Variants in INTS4 observed in about 807,000 individuals in gnomAD.
The protein encoded by INTS4 is MSTP093.
In INTS4, 70 loss-of-function variants were observed where a neutral mutation model predicts 119.5. The ratio of observed to expected loss-of-function variants is 0.59; its 90% CI spans 0.48 to 0.71. The LOEUF is 0.71. Among genes scored for constraint, INTS4 ranks in the 30% least tolerant of loss-of-function variants. The probability of loss-of-function intolerance (pLI) is 0.00; values close to 1 mark genes in which losing one functional copy is unlikely to be tolerated. For missense variants in INTS4, 867 were observed against 1,173.2 expected (o/e 0.74, Z 3.81); for synonymous variants, 316 against 419.6 (o/e 0.75, Z 3.02).
intron 21 of INTS4, among the ~76,000 whole-genome samples, chr11:77,890,758 G>T (rs1952227890): frequency 1.3e-5 from 2 of 152,230 alleles, no homozygotes; most frequent in Admixed American, 6.5e-5. Context: ...AAGGATGAAT[G>T]AGTGGACAGA....
intron 18 of INTS4, among the ~76,000 whole-genome samples, chr11:77,894,966 T>A (rs1260600152): frequency 6.6e-6 from 1 of 152,242 alleles, no homozygotes; most frequent in African/African-American, 2.4e-5. Context: ...TAGTTGATAC[T>A]GTAAGGGCTC....
intron 4 of INTS4, among the ~76,000 whole-genome samples, chr11:77,977,675 A>G (rs1183118375): frequency 6.6e-6 from 1 of 150,702 alleles, no homozygotes; most frequent in East Asian, 1.9e-4. Flanking sequence ...TATTATAATA[A>G]AAAATATATT....
chr11:77,915,141 C>T (rs1468013707), intron 15 of INTS4: 7 of 162,480 alleles, frequency 4.3e-5, no homozygotes, highest in East Asian at 3.4e-4. Context: ...CCATTCATTA[C>T]GGTAACAAGC....
chr11:77,976,121 A>ATT (rs35148841), intron 4 of INTS4, among the ~76,000 whole-genome samples: 1 of 151,954 alleles, frequency 6.6e-6, no homozygotes, highest in Non-Finnish European at 1.5e-5. Context: ...CAAAAAAGAG[A>ATT]TTTTTTAAAA....
At chr11:77,990,616 G>A (rs1215078805) in intron 2 of INTS4, among the ~76,000 whole-genome samples, 2 of 147,388 alleles carry the variant, frequency 1.4e-5, no homozygotes, top group African/African-American at 5.0e-5. Context: ...AACCCAGGAG[G>A]CAGAGGTTGC....
At chr11:77,953,832 CT>C (rs1460288636) in intron 8 of INTS4, among the ~76,000 whole-genome samples, 1 of 151,758 alleles carries the variant, frequency 6.6e-6, no homozygotes, top group East Asian at 1.9e-4. Flanking sequence ...GATTTGCCCG[CT>C]TCGGCCTCCC....
At chr11:77,931,389 A>G (rs1234101230) in intron 10 of INTS4, among the ~76,000 whole-genome samples, 1 of 152,170 alleles carries the variant, frequency 6.6e-6, no homozygotes, top group Non-Finnish European at 1.5e-5. Flanking sequence ...GAACTGTATA[A>G]ATGTGATAAA....
In INTS4 at chr11:77,903,434, T is replaced by C. The variant is rs1325583177; in HGVS notation, c.2097+106A>G. 3.1e-5 allele frequency: 50 copies of C among 1,605,710 alleles called. No homozygotes were observed. The East Asian group carries it at 1.1e-3, about 35-fold the overall frequency. ...GGCAGCTACATGCCACAACTTTTCC[T>C]GCAAGGCCTACACAGACAGAGCTAT... On this transcript the variant is annotated intron_variant, in intron 17 of 22. Coordinates refer to ENST00000534064, the MANE Select transcript of INTS4 (RefSeq NM_033547.4).
intron 4 of INTS4, among the ~76,000 whole-genome samples, chr11:77,963,659 T>C (rs1379303049): frequency 6.6e-6 from 1 of 152,078 alleles, no homozygotes. Context: ...AAAAATAACA[T>C]ACTGATCCAT....
chr11:77,943,076 C>T (rs1442762543), intron 8 of INTS4, among the ~76,000 whole-genome samples: 1 of 152,130 alleles, frequency 6.6e-6, no homozygotes, highest in African/African-American at 2.4e-5. Flanking sequence ...TCTAGCTTTA[C>T]CACCAGCATT....
chr11:77,879,029 C>T lies in INTS4; in HGVS notation c.2812G>A (p.Val938Met), dbSNP rs141434365. ...WMEGGEMSPQ[V>M]ETSIEGTIPF... The stretch of plus-strand genomic sequence containing the variant: ...ATGGTGCCCTCGATGCTGGTTTCCA[C>T]CTGTGGTGACATCTCACCACCCTCC... The change falls in exon 23 of 23, where the codon GTG (valine) becomes ATG (methionine). Residue 938 changes from valine (V) to methionine (M), a missense_variant. By Grantham distance (21) the Val-to-Met change is conservative. Transcript: ENST00000534064. 1.2e-6 allele frequency: 2 copies of T among 1,614,146 alleles called. No homozygotes were observed. The highest frequency in any genetic ancestry group is 2.2e-5 in the East Asian group (1 of 44,878).
chr11:77,970,057 C>A (rs1263767580), intron 4 of INTS4, among the ~76,000 whole-genome samples: 1 of 152,090 alleles, frequency 6.6e-6, no homozygotes, highest in Non-Finnish European at 1.5e-5. Flanking sequence ...AGCTGATGGT[C>A]ATTTGACTTG....
At chr11:77,971,737 G>A (rs1010488226) in intron 4 of INTS4, among the ~76,000 whole-genome samples, 22 of 152,106 alleles carry the variant, frequency 1.4e-4, no homozygotes, top group African/African-American at 4.6e-4. Flanking sequence ...TCACCTTCTT[G>A]GGTCCCCTGA....
chr11:77,909,195 A>G (rs1340201930), intron 15 of INTS4, among the ~76,000 whole-genome samples: 1 of 152,294 alleles, frequency 6.6e-6, no homozygotes, highest in African/African-American at 2.4e-5. Context: ...GCTGAAGACA[A>G]GAAAAGTCCA....
At chr11:77,969,213 G>A (rs1249684328) in intron 4 of INTS4, among the ~76,000 whole-genome samples, 1 of 152,192 alleles carries the variant, frequency 6.6e-6, no homozygotes, top group Non-Finnish European at 1.5e-5. Flanking sequence ...GGGATTACAA[G>A]TGTGAGCCAC....
At chr11:77,955,811 GGGA>G in intron 8 of INTS4, 128 bp downstream of exon 8, 1 of 745,494 alleles carries the variant, frequency 1.3e-6, no homozygotes, top group East Asian at 2.8e-5. Context: ...CCAGTCTTTT[GGGA>G]GGCTGAGGCA....
downstream of INTS4, among the ~76,000 whole-genome samples, chr11:77,878,034 T>C (rs535024234): frequency 3.3e-5 from 5 of 152,302 alleles, no homozygotes; most frequent in East Asian, 3.9e-4. Flanking sequence ...TTTAAAGCCA[T>C]AGAGGTCCTA....
intron 18 of INTS4, among the ~76,000 whole-genome samples, chr11:77,896,630 C>A (rs1348879512): frequency 6.1e-5 from 8 of 130,780 alleles, no homozygotes; most frequent in Admixed American, 2.5e-4. Flanking sequence ...CCAGCCTGGG[C>A]ATCAAGAGCA....
intron 16 of INTS4, 113 bp downstream of exon 16, chr11:77,907,604 C>T: frequency 1.5e-6 from 1 of 689,572 alleles, no homozygotes; most frequent in Non-Finnish European, 2.6e-6. Flanking sequence ...TCTCCATTGT[C>T]AAGTGGTTGC....
Sources: allele counts gnomAD v4.1 joint callset (sites outside exome capture counted in the v4.1 genomes callset), GRCh38; gene constraint gnomAD v4.1.1; transcripts MANE v1.5; gene names NCBI Gene and HGNC (gene_info 2026-07-23, HGNC 2026-07-21).